The following MIA2 variants were observed in gnomAD, a reference collection of about 807,000 sequenced individuals.
The protein encoded by MIA2 is MIA SH3 domain ER export factor 2, also known as melanoma inhibitory activity protein 2.
A neutral mutation model predicts 167.8 loss-of-function variants in MIA2; 127 were observed. The ratio of observed to expected loss-of-function variants is 0.76; its 90% confidence interval spans 0.66 to 0.88. The LOEUF is 0.88. Among genes scored for constraint, MIA2 ranks in the 40% least tolerant of loss-of-function variants. The probability of loss-of-function intolerance (pLI) is 0.00; values close to 1 mark genes in which losing one functional copy is unlikely to be tolerated. For synonymous variants in MIA2, 552 were observed against 541.9 expected (o/e 1.02, Z -0.26); for missense variants, 1,690 against 1,624.7 (o/e 1.04, Z -0.69).
chr14:39,312,631 G>A (rs2064523889), intron 18 of MIA2, among the ~76,000 whole-genome samples: 1 of 152,190 alleles, frequency 6.6e-6, no homozygotes, highest in Non-Finnish European at 1.5e-5. Flanking sequence ...GCATAAAAGA[G>A]TCACTGCTTA....
Position 39,234,247 on chromosome 14 carries a change from G to A in MIA2, c.115+18G>A, listed in dbSNP as rs376821566. The A allele has an allele frequency of 7.4e-4, 1,110 of 1,498,450 alleles. 6 individuals carry two copies. The highest frequency in any genetic ancestry group is 2.4e-3 in the Middle Eastern group (14 of 5,808). 92.8% of individuals were successfully genotyped at this position (1,498,450 alleles called of 1,614,324 possible). On this transcript the variant is annotated intron_variant, in intron 1 of 28. Transcript: ENST00000640607. Reference sequence around the variant, plus strand: ...ATGTGAAGGTAAGTTTGCTTCCCCCGCTTCTTCTCCTCCTAAATTGAGGCT... The same window carrying A: ...ATGTGAAGGTAAGTTTGCTTCCCCCACTTCTTCTCCTCCTAAATTGAGGCT...
chr14:39,257,335 T>G (rs900060957), intron 6 of MIA2, among the ~76,000 whole-genome samples: 1 of 152,210 alleles, frequency 6.6e-6, no homozygotes, highest in African/African-American at 2.4e-5. Flanking sequence ...TTTACCATTA[T>G]GTAATGCCCT....
intron 22 of MIA2, 152 bp downstream of exon 22, chr14:39,318,163 T>C (rs1376971697): frequency 1.7e-6 from 1 of 589,230 alleles, no homozygotes; most frequent in Non-Finnish European, 2.9e-6. Context: ...CTAGTTTGTT[T>C]TGTCTGTTGA....
rs559185585 is a variant in MIA2 at position 39,266,103 on chromosome 14, G to A, written c.1888-10831G>A. 8 of 985,368 alleles carry A rather than the reference G, an allele frequency of 8.1e-6. No individual in the cohort carries two copies. In the East Asian group the frequency reaches 3.4e-4, roughly 42 times the overall value. The allele number at this position is 985,368 out of a possible 1,614,324, so 61.0% of individuals were successfully genotyped here. Reference sequence around the variant, plus strand: ...TTCGTTGCTACAAGAGGTTACATCAGGAAAATTTCCTAAGGATTTAAGATT... The same window carrying A: ...TTCGTTGCTACAAGAGGTTACATCAAGAAAATTTCCTAAGGATTTAAGATT... On this transcript the variant is annotated intron_variant, in intron 6 of 28. Transcript: ENST00000640607.
Position 39,233,984 on chromosome 14 carries a change from T to C in MIA2, c.-131T>C. 2.0e-6 allele frequency: 1 copy of C among 503,572 alleles called. No homozygotes were observed. The allele number at this position is 503,572 out of a possible 1,614,324, so 31.2% of individuals were successfully genotyped here. A position where few individuals can be genotyped will look rare whatever the true frequency, so the allele number is the denominator to read the frequency against. ...TAGAAAAAGGTAGTTATCAAGAGAT[T>C]TTTAAAACTTCAACCCTTTTTCTCT... On this transcript the variant is annotated 5_prime_UTR_variant, in exon 1 of 29. Transcript: ENST00000640607.
At chr14:39,335,253 ATACT>A in intron 25 of MIA2, among the ~76,000 whole-genome samples, 1 of 152,294 alleles carries the variant, frequency 6.6e-6, no homozygotes, top group South Asian at 2.1e-4. Context: ...TTAGTTTAAA[ATACT>A]TATGTTAAAA....
intron 23 of MIA2, among the ~76,000 whole-genome samples, chr14:39,378,997 G>A (rs1248594548): frequency 2.0e-5 from 3 of 152,152 alleles, no homozygotes; most frequent in East Asian, 1.9e-4. Flanking sequence ...TTTGAGAGGG[G>A]AGACTTAATT....
chr14:39,383,181 CA>C (rs1167885958), intron 23 of MIA2, among the ~76,000 whole-genome samples: 1 of 151,916 alleles, frequency 6.6e-6, no homozygotes, highest in African/African-American at 2.4e-5. Flanking sequence ...TTTGTTTTAA[CA>C]CATTGAAGGT....
chr14:39,235,596 A>G (rs1459694214), intron 1 of MIA2, among the ~76,000 whole-genome samples: 2 of 151,884 alleles, frequency 1.3e-5, no homozygotes, highest in Non-Finnish European at 2.9e-5. Context: ...TGGGCAACAT[A>G]GTGAGACCTC....
chr14:39,343,028 T>C (rs2072355528), intron 25 of MIA2, among the ~76,000 whole-genome samples: 1 of 152,188 alleles, frequency 6.6e-6, no homozygotes. Flanking sequence ...GTGTCTCCAA[T>C]ATCTCACCAT....
At chr14:39,378,512 AAAC>A (rs539775353) in intron 23 of MIA2, among the ~76,000 whole-genome samples, 230 of 152,372 alleles carry the variant, frequency 1.5e-3, no homozygotes, top group Middle Eastern at 3.4e-3. Flanking sequence ...GATCAAAGTA[AAAC>A]AACAATTGTG....
chr14:39,362,337 A>C (rs1324325916), intron 23 of MIA2, among the ~76,000 whole-genome samples: 1 of 151,612 alleles, frequency 6.6e-6, no homozygotes, highest in Non-Finnish European at 1.5e-5. Context: ...CTGTTTGGAG[A>C]CTTTTTATTA....
chr14:39,298,452 T>C (rs1412382992), intron 13 of MIA2, among the ~76,000 whole-genome samples: 1 of 34,436 alleles, frequency 2.9e-5, no homozygotes, highest in African/African-American at 6.1e-5. Flanking sequence ...TAAAGATTAG[T>C]TTTTCATGTG....
intron 4 of MIA2, among the ~76,000 whole-genome samples, chr14:39,249,113 C>T (rs779035939): frequency 2.6e-5 from 4 of 151,966 alleles, no homozygotes; most frequent in Admixed American, 6.6e-5. Flanking sequence ...TTTTGTTTTT[C>T]CTAAGAAGAA....
intron 11 of MIA2, 96 bp from the exon 12 acceptor site, chr14:39,293,904 G>T: frequency 1.1e-6 from 1 of 895,182 alleles, no homozygotes; most frequent in South Asian, 1.5e-5. Context: ...CTTCACTTAT[G>T]GAGCTAAAGT....
chr14:39,249,552 A>G (rs1252428510), intron 4 of MIA2, among the ~76,000 whole-genome samples: 1 of 152,094 alleles, frequency 6.6e-6, no homozygotes, highest in Admixed American at 6.5e-5. Flanking sequence ...AAAAAAAGGG[A>G]AAAAGTTTTC....
At position 39,374,474 on chromosome 14, in the gene MIA2, TATG is replaced by T. The variant is rs1329766585; in HGVS notation, c.2249-12404_2249-12402del. 7.2e-5 allele frequency among the ~76,000 whole-genome samples: 11 copies of T among 152,366 alleles called. No homozygotes were observed. The South Asian group carries it at 1.2e-3, about 17-fold the overall frequency. On this transcript the variant is annotated intron_variant, in intron 23 of 23. Transcript: ENST00000341502. ...ATAAAATATTAACTTTGAGAACAGA[TATG>T]ATGATGGCTATCTTTTTTTGGAAAA... is the stretch of plus-strand genomic sequence containing the variant.
At chr14:39,340,065 A>G (rs1050450620) in intron 25 of MIA2, among the ~76,000 whole-genome samples, 1 of 152,152 alleles carries the variant, frequency 6.6e-6, no homozygotes, top group Non-Finnish European at 1.5e-5. Flanking sequence ...CAGGTTTCGA[A>G]ATCCTTGGCT....
intron 11 of MIA2, 35 bp from the exon 12 acceptor site, chr14:39,293,965 T>G: frequency 1.3e-6 from 2 of 1,535,048 alleles, no homozygotes; most frequent in Non-Finnish European, 1.8e-6. Context: ...AACTAGAGTT[T>G]AGTAAATATT....
Sources: gnomAD v4.1 joint callset for allele counts (sites outside exome capture counted in the v4.1 genomes callset) on GRCh38, gnomAD v4.1.1 for gene constraint, MANE v1.5 for transcripts, NCBI Gene and HGNC (gene_info 2026-07-23, HGNC 2026-07-21) for gene names.